The following ZNF471 variants were observed in gnomAD, a reference collection of about 807,000 sequenced individuals.
The protein encoded by ZNF471 is EZFIT-related protein 1.
In ZNF471, 7 loss-of-function variants were observed where a neutral mutation model predicts 13.7. The ratio of observed to expected loss-of-function variants is 0.51; its 90% CI spans 0.29 to 0.96. The LOEUF (loss-of-function observed/expected upper bound fraction) is 0.96, where lower values mean the gene tolerates loss of function less well. Among genes scored for constraint, ZNF471 ranks in the 40% least tolerant of loss-of-function variants. ZNF471 has a pLI of 0.08. For missense variants in ZNF471, 663 were observed against 743.3 expected, an observed-to-expected ratio of 0.89 and a Z score of 1.26; for synonymous variants, 218 against 235.6, an observed-to-expected ratio of 0.93 and a Z score of 0.68.
In ZNF471 at chr19:56,524,624, G is replaced by C; in HGVS notation, c.557G>C (p.Ser186Thr). The part of the protein sequence containing the change: ...SIYNHTSDKK[S>T]FSKNSMVIKH... ...TATAATCACACATCAGATAAAAAAA[G>C]CTTCTCCAAAAATTCTATGGTAATA... Residue 186 changes from serine to threonine, a missense_variant, in exon 5 of 5, where the codon AGC becomes ACC. Physicochemically the swap from Ser to Thr is moderately conservative, Grantham distance 58 (BLOSUM62 1). Transcript: ENST00000308031. This position sits in a 1 kb window ranked among gnomAD's most constrained non-coding sequence, Gnocchi z 4.8. The C allele has an allele frequency of 6.3e-7, 1 of 1,586,776 alleles. No individual in the cohort carries two copies. Among genetic ancestry groups the C allele is most frequent in the East Asian group, 2.2e-5 (1 of 44,780 alleles).
Position 56,524,277 on chromosome 19 carries a change from G to T in ZNF471, c.257-47G>T. 1 of 1,277,998 alleles carries T rather than the reference G, an allele frequency of 7.8e-7. No individual in the cohort carries two copies. The highest frequency in any genetic ancestry group is 1.1e-6 in the Non-Finnish European group (1 of 931,786). The allele number at this position is 1,277,998 out of a possible 1,614,324, so 79.2% of individuals were successfully genotyped here. On this transcript the variant is annotated intron_variant, in intron 4 of 4. Transcript: ENST00000308031. The surrounding 1 kb of genome is among the most constrained non-coding windows in gnomAD (Gnocchi z 4.8). ...CCTTTTTCACAATGTCTCCTTTGTT[G>T]TAGCCCATGATAAAGGGAACATTCA...
Position 56,526,046 on chromosome 19 carries a change from G to A in ZNF471, c.*98G>A. The A allele has an allele frequency of 7.5e-7, 1 of 1,332,698 alleles. No homozygotes were observed. The highest frequency in any genetic ancestry group is 1.0e-6 in the Non-Finnish European group (1 of 989,236). The allele number at this position is 1,332,698 out of a possible 1,614,324, so 82.6% of individuals were successfully genotyped here. ...TAAAAAACATATAAATGTAAGAAATGTAGAAAAACCTTCAGCCAGGAGGCT... is the reference window on the plus strand; with the variant it reads ...TAAAAAACATATAAATGTAAGAAATATAGAAAAACCTTCAGCCAGGAGGCT... On this transcript the variant is annotated 3_prime_UTR_variant, in exon 5 of 5. Transcript: ENST00000308031.
intron 1 of ZNF471, among the ~76,000 whole-genome samples, chr19:56,509,116 G>A (rs575996479): frequency 5.5e-4 from 83 of 152,240 alleles, no homozygotes; most frequent in African/African-American, 1.7e-3. Context: ...GGTTGATCAC[G>A]GTAAGGGATG....
Position 56,507,971 on chromosome 19 carries a change from G to A in ZNF471, c.-56+51G>A, listed in dbSNP as rs947423562. 17 of 986,084 alleles carry A rather than the reference G, an allele frequency of 1.7e-5. No homozygotes were observed. In the African/African-American group the frequency reaches 2.8e-4, roughly 16 times the overall value. The allele number at this position is 986,084 out of a possible 1,614,324, so 61.1% of individuals were successfully genotyped here. ...CGAGCTCGAGGGCTGGGCCAGGAAG[G>A]GCAGGCGAGGCGGGCGGCTCCGACG... On this transcript the variant is annotated intron_variant, in intron 1 of 4. Coordinates refer to ENST00000308031, the MANE Select transcript of ZNF471 (RefSeq NM_020813.4).
At position 56,510,985 on chromosome 19, in the gene ZNF471, G is replaced by C. The variant is rs894198439; in HGVS notation, c.-55-532G>C. On this transcript the variant is annotated intron_variant, in intron 1 of 4. Coordinates refer to ENST00000308031, the MANE Select transcript of ZNF471 (RefSeq NM_020813.4). The surrounding 1 kb of genome is among the most constrained non-coding windows in gnomAD (Gnocchi z 4.3). ...TCCATCGTTTCAGGGTGAGGAAAGT[G>C]AAACAGTGCCGGGGGGTGGGTCAGG... 4.1e-6 allele frequency: 4 copies of C among 983,220 alleles called. No homozygotes were observed. The South Asian group carries it at 1.9e-4, about 46-fold the overall frequency. 60.9% of individuals were successfully genotyped at this position (983,220 alleles called of 1,614,324 possible).
rs958598811 is a variant in ZNF471, at chr19:56,528,944, G to A, written c.*2996G>A. The A allele has an allele frequency of 3.3e-5, 5 of 149,940 alleles. No individual in the cohort carries two copies. Among genetic ancestry groups the A allele is most frequent in the South Asian group, 2.1e-4 (1 of 4,754 alleles). The allele number at this position is 149,940 out of a possible 1,614,324, so 9.3% of individuals were successfully genotyped here. A position where few individuals can be genotyped will look rare whatever the true frequency, so the allele number is the denominator to read the frequency against. On this transcript the variant is annotated 3_prime_UTR_variant, in exon 5 of 5. Coordinates refer to ENST00000308031, the MANE Select transcript of ZNF471 (RefSeq NM_020813.4). ...TTTTTTTAAAAAAAACACTTAAAAT[G>A]TTCCACTTCTTTCATGAGGCTAAGT...
chr19:56,511,716 C>A (rs76154566), intron 2 of ZNF471, 112 bp downstream of exon 2: 11 of 845,028 alleles, frequency 1.3e-5, no homozygotes, highest in Middle Eastern at 4.5e-4. Context: ...GAGCCTAGTT[C>A]CCACTTCTCT....
chr19:56,525,256 C>T lies in ZNF471; in HGVS notation c.1189C>T (p.His397Tyr). 1 of 1,611,752 alleles carries T rather than the reference C, an allele frequency of 6.2e-7. No homozygotes were observed. Among genetic ancestry groups the T allele is most frequent in the Non-Finnish European group, 8.5e-7 (1 of 1,178,466 alleles). Residue 397 changes from histidine (H) to tyrosine (Y), a missense_variant, in exon 5 of 5, where the codon CAT (histidine) becomes TAT (tyrosine). Physicochemically the swap from His to Tyr is moderately conservative, Grantham distance 83. Transcript: ENST00000308031. ...AGGACTTATTCTGCATAGGAGAATT[C>T]ATACAGGAGAGAAACCTTACAAATG... is the stretch of plus-strand genomic sequence containing the variant. ...HIGLILHRRI[H>Y]TGEKPYKCGV... is the part of the protein sequence containing the mutation.
chr19:56,525,121 G>C lies in ZNF471; in HGVS notation c.1054G>C (p.Gly352Arg). Reference protein sequence around the residue: ...GKRPYECIECGKAFRYNTSFI... With the variant: ...GKRPYECIECRKAFRYNTSFI... ...AAGACCCTATGAATGTATTGAGTGTGGGAAGGCTTTTAGGTATAACACATC... is the reference window on the plus strand; with the variant it reads ...AAGACCCTATGAATGTATTGAGTGTCGGAAGGCTTTTAGGTATAACACATC... The change falls in exon 5 of 5, where the codon GGG becomes CGG. Residue 352 changes from glycine (G) to arginine (R), a missense_variant. Physicochemically the swap from Gly to Arg is moderately radical, Grantham distance 125. Transcript: ENST00000308031. 6.2e-7 allele frequency: 1 copy of C among 1,614,136 alleles called. No homozygotes were observed. Among genetic ancestry groups the C allele is most frequent in the Non-Finnish European group, 8.5e-7 (1 of 1,180,026 alleles).
At chr19:56,520,725 C>T (rs2043957972) in intron 4 of ZNF471, among the ~76,000 whole-genome samples, 1 of 152,176 alleles carries the variant, frequency 6.6e-6, no homozygotes, top group Non-Finnish European at 1.5e-5. Context: ...AAGGCACCAT[C>T]TGTGAGAAAG....
Position 56,516,420 on chromosome 19 carries a change from C to G in ZNF471, c.160+19C>G. ...TCACTTGGTGAGGATCTTTTCCCTC[C>G]TGCATAATCTACCTTTAAGGAACTT... On this transcript the variant is annotated intron_variant, in intron 3 of 4. Coordinates refer to ENST00000308031, the MANE Select transcript of ZNF471 (RefSeq NM_020813.4). This position sits in a 1 kb window ranked among gnomAD's most constrained non-coding sequence, Gnocchi z 4.4. The G allele has an allele frequency of 6.3e-7, 1 of 1,596,764 alleles. No individual in the cohort carries two copies. Among genetic ancestry groups the G allele is most frequent in the East Asian group, 2.2e-5 (1 of 44,580 alleles).
intron 4 of ZNF471, among the ~76,000 whole-genome samples, chr19:56,521,493 G>T (rs567058093): frequency 6.6e-6 from 1 of 152,158 alleles, no homozygotes; most frequent in African/African-American, 2.4e-5. Context: ...AAAAAAATTA[G>T]CTGGGCATGG....
intron 4 of ZNF471, among the ~76,000 whole-genome samples, chr19:56,519,511 T>C (rs1214700442): frequency 1.3e-5 from 2 of 152,162 alleles, no homozygotes; most frequent in African/African-American, 2.4e-5. Flanking sequence ...TTTCTAACAC[T>C]CAGGAAAGCC....
At chr19:56,518,358 C>T in intron 3 of ZNF471, 124 bp from the exon 4 acceptor site, 1 of 711,204 alleles carries the variant, frequency 1.4e-6, no homozygotes, top group Non-Finnish European at 2.4e-6. Context: ...GTCTGTCCTT[C>T]AGATGTGCTT....
Position 56,511,553 on chromosome 19 carries a change from A to C in ZNF471, c.-19A>C. 6.2e-7 allele frequency: 1 copy of C among 1,614,008 alleles called. No homozygotes were observed. The highest frequency in any genetic ancestry group is 8.5e-7 in the Non-Finnish European group (1 of 1,179,930). ...CAAGACACTGTTCTTCAAGAGAAAG[A>C]CCAGAAGAGAAGGCAAAAATGAATG... On this transcript the variant is annotated 5_prime_UTR_variant, in exon 2 of 5. Transcript: ENST00000308031.
rs531747253 is a variant in ZNF471, at chr19:56,523,035, C to T, written c.257-1289C>T. On this transcript the variant is annotated intron_variant, in intron 4 of 4. Transcript: ENST00000308031. The stretch of plus-strand genomic sequence containing the variant: ...ACAGGCATGAGCCATTGCACCTGGC[C>T]GATGTTGCAATAATTTTTAAAGCAC... Among the ~76,000 whole-genome samples, 6 of 152,216 alleles carry T rather than the reference C, an allele frequency of 3.9e-5. No homozygotes were observed. The South Asian group carries it at 6.2e-4, about 16-fold the overall frequency.
rs2043992393 is a variant in ZNF471 at position 56,522,904 on chromosome 19, T to C, written c.257-1420T>C. ...GGCAGGTGACACCATGCCCCGCTAATTTTGTGTTTTTAGTAGAGACAGGGT... is the reference window on the plus strand; with the variant it reads ...GGCAGGTGACACCATGCCCCGCTAACTTTGTGTTTTTAGTAGAGACAGGGT... On this transcript the variant is annotated intron_variant, in intron 4 of 4. Coordinates refer to ENST00000308031, the MANE Select transcript of ZNF471 (RefSeq NM_020813.4). The surrounding 1 kb of genome is among the most constrained non-coding windows in gnomAD (Gnocchi z 4.1). Among the ~76,000 whole-genome samples the C allele has an allele frequency of 6.6e-6, 1 of 152,002 alleles. No individual in the cohort carries two copies. The highest frequency in any genetic ancestry group is 1.5e-5 in the Non-Finnish European group (1 of 67,966).
chr19:56,524,581 A>T lies in ZNF471; in HGVS notation c.514A>T (p.Asn172Tyr), dbSNP rs747108128. 1 of 1,594,504 alleles carries T rather than the reference A, an allele frequency of 6.3e-7. No individual in the cohort carries two copies. Among genetic ancestry groups the T allele is most frequent in the Non-Finnish European group, 8.5e-7 (1 of 1,175,016 alleles). Residue 172 changes from asparagine (N) to tyrosine (Y), a missense_variant, in exon 5 of 5, where the codon AAC becomes TAC. Transcript: ENST00000308031. This position sits in a 1 kb window ranked among gnomAD's most constrained non-coding sequence, Gnocchi z 4.8. ...TKFGKCIHLENIEESIYNHTS... is the reference protein window; with the variant it reads ...TKFGKCIHLEYIEESIYNHTS... ...ATTTGGGAAATGTATCCATCTGGAAAACATAGAAGAGAGTATTTATAATCA... is the reference window on the plus strand; with the variant it reads ...ATTTGGGAAATGTATCCATCTGGAATACATAGAAGAGAGTATTTATAATCA...
At chr19:56,515,675 G>C (rs973085015) in intron 2 of ZNF471, among the ~76,000 whole-genome samples, 16 of 152,156 alleles carry the variant, frequency 1.1e-4, no homozygotes, top group Non-Finnish European at 2.2e-4. Context: ...ATCTGAAGGT[G>C]AAAAATGCCC....
Sources: allele counts gnomAD v4.1 joint callset (sites outside exome capture counted in the v4.1 genomes callset), GRCh38; gene constraint gnomAD v4.1.1; non-coding constraint Gnocchi (gnomAD v3.1); transcripts MANE v1.5; gene names NCBI Gene and HGNC (gene_info 2026-07-23, HGNC 2026-07-21).